Variants in TAS2R1 observed in about 807,000 individuals in gnomAD.
The protein encoded by TAS2R1 is taste receptor type 2 member 1.
For missense variants in TAS2R1, 370 were observed against 353.4 expected, an observed-to-expected ratio of 1.05 and a Z score of -0.38; for synonymous variants, 141 against 134.2, an observed-to-expected ratio of 1.05 and a Z score of -0.35.
At chr5:9,850,922 G>C in the TAS2R1 span, among the ~76,000 whole-genome samples, 7 of 152,330 alleles carry the variant, frequency 4.6e-5, no homozygotes, top group African/African-American at 1.7e-4. Context: ...GGAGTGGGAG[G>C]GGGAGAATGA....
chr5:9,711,855 G>A lies in TAS2R1; in HGVS notation c.-242+317C>T, dbSNP rs58391901. ...TTTTTTGTATTTTTTTAGTAGAGTT[G>A]GGGTTTCGTCATGTTGGCCAGGCTG... is the stretch of plus-strand genomic sequence containing the variant. On this transcript the variant is annotated intron_variant, in intron 1 of 2. Coordinates refer to the TAS2R1 transcript ENST00000506620. 5.6e-3 allele frequency among the ~76,000 whole-genome samples: 847 copies of A among 151,452 alleles called. 8 individuals carry two copies. The highest frequency in any genetic ancestry group is 0.019 in the African/African-American group (797 of 41,270).
intron 2 of TAS2R1, among the ~76,000 whole-genome samples, chr5:9,650,655 T>C (rs1161923313): frequency 6.6e-6 from 1 of 152,082 alleles, no homozygotes; most frequent in Non-Finnish European, 1.5e-5. Flanking sequence ...CCTCTCCTAA[T>C]TCATCTCTAT....
At chr5:9,900,841 T>TC in the TAS2R1 span, among the ~76,000 whole-genome samples, 9 of 152,162 alleles carry the variant, frequency 5.9e-5, no homozygotes, top group South Asian at 1.7e-3. Flanking sequence ...GGCAGGATGG[T>TC]CTCGATCTCC....
chr5:9,860,034 T>A, the TAS2R1 span, among the ~76,000 whole-genome samples: 5 of 152,158 alleles, frequency 3.3e-5, no homozygotes, highest in Non-Finnish European at 5.9e-5. Flanking sequence ...TTCAGAGACA[T>A]AAGCTTGAAG....
upstream of TAS2R1, among the ~76,000 whole-genome samples, chr5:9,633,294 T>TATATATATATATATTTATATATATATATA (rs1476544403): frequency 1.2e-4 from 8 of 67,820 alleles, no homozygotes; most frequent in African/African-American, 5.0e-4. Context: ...TGTGTGTATA[T>TATATATATATATATTTATATATATATATA]TATATATATA....
chr5:9,809,948 A>G, the TAS2R1 span, among the ~76,000 whole-genome samples: 2 of 152,208 alleles, frequency 1.3e-5, no homozygotes, highest in South Asian at 4.1e-4. Context: ...GTTAGTGAAG[A>G]TACTTTCAGG....
At chr5:9,832,387 G>C in the TAS2R1 span, among the ~76,000 whole-genome samples, 2 of 152,192 alleles carry the variant, frequency 1.3e-5, no homozygotes, top group Non-Finnish European at 2.9e-5. Context: ...GCTGAACATA[G>C]GTGTGCATTC....
In TAS2R1 at chr5:9,677,843, C is replaced by T. The variant is rs545606119; in HGVS notation, c.-241-18262G>A. On this transcript the variant is annotated intron_variant, in intron 1 of 2. Coordinates refer to the TAS2R1 transcript ENST00000506620. ...GGTATTCACCCAATTGATTAGAAAACTTATGTCCATACAAGAGCACACATG... is the reference window on the plus strand; with the variant it reads ...GGTATTCACCCAATTGATTAGAAAATTTATGTCCATACAAGAGCACACATG... 2.6e-5 allele frequency among the ~76,000 whole-genome samples: 4 copies of T among 152,244 alleles called. No homozygotes were observed. The South Asian group carries it at 8.3e-4, about 32-fold the overall frequency.
the TAS2R1 span, among the ~76,000 whole-genome samples, chr5:9,737,828 C>T: frequency 2.6e-5 from 4 of 152,258 alleles, no homozygotes; most frequent in East Asian, 7.7e-4. Context: ...TGACTTACTT[C>T]TTTACCAGCA....
the TAS2R1 span, among the ~76,000 whole-genome samples, chr5:9,866,455 T>TA: frequency 2.0e-5 from 3 of 152,240 alleles, no homozygotes; most frequent in Non-Finnish European, 2.9e-5. Flanking sequence ...AAATGTTGTA[T>TA]AAAAAATGTA....
chr5:9,828,506 A>C, the TAS2R1 span, among the ~76,000 whole-genome samples: 2 of 152,212 alleles, frequency 1.3e-5, no homozygotes, highest in East Asian at 3.8e-4. Context: ...CCAAAGTACC[A>C]AGTATATGGT....
chr5:9,701,897 T>A (rs1457078272), intron 1 of TAS2R1, among the ~76,000 whole-genome samples: 1 of 152,208 alleles, frequency 6.6e-6, no homozygotes, highest in African/African-American at 2.4e-5. Context: ...AATGAACAAT[T>A]TCTTAATTTA....
the TAS2R1 span, among the ~76,000 whole-genome samples, chr5:9,846,556 G>T: frequency 6.6e-6 from 1 of 152,146 alleles, no homozygotes; most frequent in Non-Finnish European, 1.5e-5. Flanking sequence ...TTCCATCAGT[G>T]CATGCACATC....
the TAS2R1 span, among the ~76,000 whole-genome samples, chr5:9,785,546 G>C: frequency 1.8e-4 from 28 of 152,286 alleles, no homozygotes; most frequent in Non-Finnish European, 2.6e-4. Context: ...CAATAAATAT[G>C]AGTATGTTTG....
chr5:9,693,480 C>T, intron 1 of TAS2R1, among the ~76,000 whole-genome samples: 1 of 132,422 alleles, frequency 7.6e-6, no homozygotes, highest in East Asian at 2.3e-4. Flanking sequence ...GCCAAGACCA[C>T]ACCATTACAC....
the TAS2R1 span, among the ~76,000 whole-genome samples, chr5:9,871,258 CA>C: frequency 6.6e-5 from 10 of 152,166 alleles, no homozygotes; most frequent in African/African-American, 2.4e-4. Flanking sequence ...ATCACCTCCC[CA>C]GACAATTCTA....
chr5:9,770,697 G>T, the TAS2R1 span, among the ~76,000 whole-genome samples: 1 of 151,730 alleles, frequency 6.6e-6, no homozygotes, highest in Admixed American at 6.6e-5. Context: ...TTCTTTTTTG[G>T]ATTGTTCACT....
At chr5:9,752,833 C>A in the TAS2R1 span, among the ~76,000 whole-genome samples, 3 of 151,906 alleles carry the variant, frequency 2.0e-5, no homozygotes, top group Non-Finnish European at 4.4e-5. Context: ...TTTGCTGAGA[C>A]TGATGGTTTC....
At chr5:9,737,903 G>T in the TAS2R1 span, among the ~76,000 whole-genome samples, 2 of 152,164 alleles carry the variant, frequency 1.3e-5, no homozygotes, top group Admixed American at 6.5e-5. Context: ...CACTGGTGGG[G>T]CTTCCTCTAA....
Sources: gnomAD v4.1 joint callset for allele counts (sites outside exome capture counted in the v4.1 genomes callset) on GRCh38, gnomAD v4.1.1 for gene constraint, MANE v1.5 for transcripts, NCBI Gene and HGNC (gene_info 2026-07-23, HGNC 2026-07-21) for gene names.